Variants in CIDEB observed in about 807,000 individuals in gnomAD.
The protein encoded by CIDEB is cell death inducing DFFA like effector b.
Under a neutral mutation model 22.4 loss-of-function variants are expected in CIDEB, and 27 were observed. That is an observed-to-expected ratio of 1.21 (90% CI 0.89 to 1.66). The LOEUF is 1.66. CIDEB is among the 40% of genes most tolerant of loss of function. The pLI is 0.00. For synonymous variants in CIDEB, 103 were observed against 109.5 expected (o/e 0.94, Z 0.37); for missense variants, 289 against 268.7 (o/e 1.08, Z -0.53).
At chr14:24,307,994 C>A, upstream of CIDEB, 2 of 788,800 alleles carry the variant, frequency 2.5e-6, no homozygotes, top group Non-Finnish European at 2.1e-6. Flanking sequence ...AGCCTGGACT[C>A]TGGCCCCCCT....
Position 24,306,492 on chromosome 14 carries a change from A to G in CIDEB, c.218T>C (p.Leu73Pro). Residue 73 changes from leucine (L) to proline (P), a missense_variant, in exon 3 of 5, where the codon CTA becomes CCA. Physicochemically the swap from Leu to Pro is moderately conservative, Grantham distance 98. Transcript: ENST00000554411. ...TCCATCCTCCTCTAGCACCAGGGTT[A>G]GCACTCCATTCAGCAGTAGGGTCTC... ...ALETLLLNGV[L>P]TLVLEEDGTA... The G allele has an allele frequency of 6.2e-7, 1 of 1,614,246 alleles. No homozygotes were observed. Among genetic ancestry groups the G allele is most frequent in the Non-Finnish European group, 8.5e-7 (1 of 1,180,028 alleles).
chr14:24,308,041 G>A, upstream of CIDEB: 2 of 631,440 alleles, frequency 3.2e-6, no homozygotes, highest in Admixed American at 5.2e-5. Context: ...CAAGGGGAGG[G>A]ATGAGGGAGG....
At position 24,305,319 on chromosome 14, in the gene CIDEB, A is replaced by G. The variant is rs976404118; in HGVS notation, c.*314T>C. ...GCTGGGGAGTTTAGGGACAGGAGGCATTGGTAGGGGATTAGATGTAGCAGC... is the reference window on the plus strand; with the variant it reads ...GCTGGGGAGTTTAGGGACAGGAGGCGTTGGTAGGGGATTAGATGTAGCAGC... On this transcript the variant is annotated 3_prime_UTR_variant, in exon 5 of 5. Coordinates refer to ENST00000554411, the MANE Select transcript of CIDEB (RefSeq NM_001393339.1). 2.5e-5 allele frequency: 14 copies of G among 558,878 alleles called. No individual in the cohort carries two copies. The South Asian group carries it at 3.9e-4, about 15-fold the overall frequency. 34.6% of individuals were successfully genotyped at this position (558,878 alleles called of 1,614,324 possible).
chr14:24,307,645 G>C (rs2041559777), intron 1 of CIDEB, 130 bp from the exon 2 acceptor site: 2 of 1,138,386 alleles, frequency 1.8e-6, no homozygotes, highest in East Asian at 5.0e-5. Flanking sequence ...GGATGAGGGA[G>C]AGACCATGGA....
chr14:24,308,727 C>T (rs2041597887), upstream of CIDEB: 1 of 152,252 alleles, frequency 6.6e-6, no homozygotes, highest in African/African-American at 2.4e-5. Context: ...TGCATGGAAG[C>T]TGAGACTCTC....
upstream of CIDEB, chr14:24,311,192 C>G (rs35322717): frequency 6.7e-5 from 108 of 1,608,110 alleles, no homozygotes; most frequent in Middle Eastern, 1.6e-3. Context: ...CGTCGCCGGT[C>G]CACGCCGCCG....
chr14:24,311,140 A>G (rs771073522), upstream of CIDEB: 4 of 1,593,294 alleles, frequency 2.5e-6, no homozygotes, highest in Non-Finnish European at 3.4e-6. Flanking sequence ...GCCGCCGTCT[A>G]CCGCCACCTG....
At chr14:24,306,813 G>A (rs976210585) in intron 2 of CIDEB, 10 of 458,378 alleles carry the variant, frequency 2.2e-5, no homozygotes, top group African/African-American at 2.0e-4. Flanking sequence ...AGGTTCTCAC[G>A]AAGTCCACCC....
At position 24,307,808 on chromosome 14, in the gene CIDEB, T is replaced by A; in HGVS notation, c.41+10A>T. The A allele has an allele frequency of 6.3e-7, 1 of 1,592,376 alleles. No individual in the cohort carries two copies. The highest frequency in any genetic ancestry group is 8.6e-7 in the Non-Finnish European group (1 of 1,168,778). ...AAAGGTGGAGGGTAGAGCGGAGGGT[T>A]AGCAGTCACCTGAGTAAGTCACTGG... On this transcript the variant is annotated intron_variant, in intron 1 of 4. Coordinates refer to ENST00000554411, the MANE Select transcript of CIDEB (RefSeq NM_001393339.1).
In CIDEB at chr14:24,307,534, A is replaced by G; in HGVS notation, c.42-19T>C. On this transcript the variant is annotated intron_variant, in intron 1 of 4. Transcript: ENST00000554411. ...TACTGACCTGGTAGTTGAGAAGAAAAGTCAAGAAGGGGCGAGGAGGGGCTT... is the reference window on the plus strand; with the variant it reads ...TACTGACCTGGTAGTTGAGAAGAAAGGTCAAGAAGGGGCGAGGAGGGGCTT... 1 of 1,610,820 alleles carries G rather than the reference A, an allele frequency of 6.2e-7. No homozygotes were observed. The highest frequency in any genetic ancestry group is 8.5e-7 in the Non-Finnish European group (1 of 1,177,842).
intron 2 of CIDEB, chr14:24,306,851 C>T (rs1237384717): frequency 2.1e-5 from 8 of 385,894 alleles, no homozygotes; most frequent in East Asian, 5.1e-5. Flanking sequence ...TGCTGCACCT[C>T]ACTTCCCACA....
At chr14:24,310,098 C>T (rs2139166283), upstream of CIDEB, 2 of 168,544 alleles carry the variant, frequency 1.2e-5, no homozygotes, top group East Asian at 1.8e-4. Context: ...GAGGGAGGGG[C>T]CCCAGGAGAG....
At chr14:24,311,003 C>G (rs965524677), upstream of CIDEB, 2 of 1,586,946 alleles carry the variant, frequency 1.3e-6, no homozygotes, top group South Asian at 1.1e-5. Flanking sequence ...TGCTCACCGG[C>G]CTGCTCAGCC....
intron 2 of CIDEB, 86 bp downstream of exon 2, chr14:24,307,285 C>T (rs936992230): frequency 4.9e-6 from 7 of 1,437,626 alleles, no homozygotes; most frequent in Non-Finnish European, 6.7e-6. Flanking sequence ...TGACTTCAGC[C>T]CTCTGCTCCA....
chr14:24,307,048 T>C (rs2041533026), intron 2 of CIDEB: 2 of 288,696 alleles, frequency 6.9e-6, no homozygotes, highest in Admixed American at 4.7e-5. Flanking sequence ...TTGAACAACT[T>C]CCCAAGGTTT....
intron 1 of CIDEB, 78 bp from the exon 2 acceptor site, chr14:24,307,593 G>A: frequency 6.6e-7 from 1 of 1,513,884 alleles, no homozygotes; most frequent in Non-Finnish European, 9.1e-7. Flanking sequence ...GGGTAGAGTG[G>A]CTAGAGGGCT....
chr14:24,311,272 T>G (rs1318979076), upstream of CIDEB: 4 of 1,599,254 alleles, frequency 2.5e-6, no homozygotes, highest in Middle Eastern at 3.3e-4. Flanking sequence ...TGCTACAGCG[T>G]GACGCTGGCA....
Position 24,307,806 on chromosome 14 carries a change from G to C in CIDEB, c.41+12C>G, listed in dbSNP as rs768905516. On this transcript the variant is annotated intron_variant, in intron 1 of 4. Transcript: ENST00000554411. The stretch of plus-strand genomic sequence containing the variant: ...CTAAAGGTGGAGGGTAGAGCGGAGG[G>C]TTAGCAGTCACCTGAGTAAGTCACT... 5.7e-6 allele frequency: 9 copies of C among 1,591,504 alleles called. No individual in the cohort carries two copies. The South Asian group carries it at 8.0e-5, about 14-fold the overall frequency.
rs1474600676 is a variant in CIDEB at position 24,305,440 on chromosome 14, C to T, written c.*193G>A. 3 of 676,938 alleles carry T rather than the reference C, an allele frequency of 4.4e-6. No individual in the cohort carries two copies. The highest frequency in any genetic ancestry group is 2.3e-5 in the South Asian group (1 of 42,730). 41.9% of individuals were successfully genotyped at this position (676,938 alleles called of 1,614,324 possible). On this transcript the variant is annotated 3_prime_UTR_variant, in exon 5 of 5. Coordinates refer to ENST00000554411, the MANE Select transcript of CIDEB (RefSeq NM_001393339.1). ...AAGGTGGCTAGGAAAGAACAGCATT[C>T]TTCAGGTAAGGGTATAGACTTGGGA...
Sources: gnomAD v4.1 joint callset for allele counts on GRCh38, gnomAD v4.1.1 for gene constraint, MANE v1.5 for transcripts, NCBI Gene and HGNC (gene_info 2026-07-23, HGNC 2026-07-21) for gene names.